Variants in CSMD1 observed in about 807,000 individuals in gnomAD.
The protein encoded by CSMD1 is CUB and sushi domain-containing protein 1.
Under a neutral mutation model 417.5 loss-of-function variants are expected in CSMD1, and 213 were observed. The observed-to-expected ratio is 0.51, with a 90% CI of 0.46 to 0.57. The LOEUF (loss-of-function observed/expected upper bound fraction) is 0.57. CSMD1 is among the 20% of genes least tolerant of loss of function. The probability of loss-of-function intolerance (pLI) is 0.00; values close to 1 mark genes in which losing one functional copy is unlikely to be tolerated. For missense variants in CSMD1, 6,923 were observed against 4,529.7 expected (o/e 1.53, Z -15.17); for synonymous variants, 2,862 against 1,736.8 (o/e 1.65, Z -16.11).
Position 4,178,054 on chromosome 8 carries a change from G to C in CSMD1, c.416-145955C>G, listed in dbSNP as rs371939520. 2.2e-4 allele frequency among the ~76,000 whole-genome samples: 34 copies of C among 152,228 alleles called. No homozygotes were observed. In the South Asian group the frequency reaches 6.8e-3, roughly 31 times the overall value. ...GAAACTATTCCAATAAATAGAAAAA[G>C]AGGGCACCCTCACTAACTCATTTTA... On this transcript the variant is annotated intron_variant, in intron 3 of 69. Coordinates refer to ENST00000635120, the MANE Select transcript of CSMD1 (RefSeq NM_033225.6).
At chr8:4,972,523 T>A (rs1278007780) in intron 1 of CSMD1, among the ~76,000 whole-genome samples, 1 of 152,160 alleles carries the variant, frequency 6.6e-6, no homozygotes, top group African/African-American at 2.4e-5. Context: ...CTGCCATGAT[T>A]GTAAGTTTCC....
At chr8:4,533,543 T>G (rs548591473) in intron 2 of CSMD1, among the ~76,000 whole-genome samples, 6 of 152,314 alleles carry the variant, frequency 3.9e-5, no homozygotes, top group Non-Finnish European at 8.8e-5. Flanking sequence ...AACACAATAT[T>G]CTTGGGAATT....
intron 49 of CSMD1, among the ~76,000 whole-genome samples, chr8:3,080,357 C>G (rs1035540452): frequency 6.6e-6 from 1 of 152,154 alleles, no homozygotes. Flanking sequence ...GGAAATGAAG[C>G]CTGAGGACAG....
In CSMD1 at chr8:4,449,750, C is replaced by G. The variant is rs866214586; in HGVS notation, c.303-29685G>C. Reference sequence around the variant, plus strand: ...ATAGGGTCGGGTGTAGAAAGAGAAACAATGGTGGCAAGCAGTTGGGAGCAG... The same window carrying G: ...ATAGGGTCGGGTGTAGAAAGAGAAAGAATGGTGGCAAGCAGTTGGGAGCAG... On this transcript the variant is annotated intron_variant, in intron 2 of 69. Transcript: ENST00000635120. 1.4e-4 allele frequency among the ~76,000 whole-genome samples: 21 copies of G among 152,050 alleles called. No homozygotes were observed. In the Middle Eastern group the frequency reaches 0.014, roughly 99 times the overall value.
intron 1 of CSMD1, among the ~76,000 whole-genome samples, chr8:4,929,584 G>A (rs1807100560): frequency 1.3e-5 from 2 of 152,130 alleles, no homozygotes; most frequent in African/African-American, 4.8e-5. Flanking sequence ...CTCAAGGTGT[G>A]TTCAGTCCAT....
intron 5 of CSMD1, among the ~76,000 whole-genome samples, chr8:3,990,262 T>C (rs545042470): frequency 1.3e-3 from 195 of 152,342 alleles, no homozygotes; most frequent in Non-Finnish European, 1.3e-3. Context: ...ACTTCTTTTT[T>C]CATTGCCTAC....
At chr8:3,406,322 T>A in intron 14 of CSMD1, 101 bp from the exon 15 acceptor site, 1 of 832,314 alleles carries the variant, frequency 1.2e-6, no homozygotes, top group Non-Finnish European at 1.8e-6. Flanking sequence ...AGCATTCATA[T>A]AATGTATATA....
At chr8:3,188,056 G>T (rs953006597) in intron 35 of CSMD1, 91 bp from the exon 36 acceptor site, 43 of 651,502 alleles carry the variant, frequency 6.6e-5, no homozygotes, top group Non-Finnish European at 1.0e-4. Flanking sequence ...CATGATTAAG[G>T]TGTATATGTA....
chr8:3,344,368 G>A (rs1042687310), intron 22 of CSMD1, among the ~76,000 whole-genome samples: 2 of 152,134 alleles, frequency 1.3e-5, no homozygotes, highest in African/African-American at 2.4e-5. Context: ...CTAGATGATG[G>A]GTTGAAAGGT....
chr8:4,780,524 C>T (rs1025071317), intron 1 of CSMD1, among the ~76,000 whole-genome samples: 2 of 152,020 alleles, frequency 1.3e-5, no homozygotes, highest in Non-Finnish European at 2.9e-5. Flanking sequence ...AACGAACCTG[C>T]CTTGATGTTT....
chr8:4,175,755 A>C (rs940136217), intron 3 of CSMD1, among the ~76,000 whole-genome samples: 1 of 152,194 alleles, frequency 6.6e-6, no homozygotes, highest in Non-Finnish European at 1.5e-5. Context: ...GTGAAATATT[A>C]AGTTAAAAAG....
At chr8:4,772,524 G>C (rs1219529635) in intron 1 of CSMD1, among the ~76,000 whole-genome samples, 2 of 152,132 alleles carry the variant, frequency 1.3e-5, no homozygotes, top group Non-Finnish European at 2.9e-5. Flanking sequence ...TTACAGCATG[G>C]ATATTTTGAG....
intron 10 of CSMD1, among the ~76,000 whole-genome samples, chr8:3,502,480 G>A (rs189838556): frequency 6.6e-6 from 1 of 152,102 alleles, no homozygotes; most frequent in Non-Finnish European, 1.5e-5. Context: ...CCTTCAGCAG[G>A]TGAATGGATA....
intron 3 of CSMD1, among the ~76,000 whole-genome samples, chr8:4,093,647 A>G (rs1302311779): frequency 6.6e-6 from 1 of 152,088 alleles, no homozygotes; most frequent in Non-Finnish European, 1.5e-5. Context: ...TTGAGAGGAG[A>G]AAGTGAATTT....
chr8:4,181,954 C>CTGAG (rs1214294145), intron 3 of CSMD1, among the ~76,000 whole-genome samples: 1 of 23,968 alleles, frequency 4.2e-5, no homozygotes. Flanking sequence ...TTGTCTGTGT[C>CTGAG]TGCGTGTGTG....
chr8:3,677,804 G>A (rs1481992012), intron 7 of CSMD1, among the ~76,000 whole-genome samples: 1 of 152,130 alleles, frequency 6.6e-6, no homozygotes, highest in Non-Finnish European at 1.5e-5. Flanking sequence ...TTTAAAACCA[G>A]TAGATGACAT....
At chr8:3,431,890 T>C (rs1022362919) in intron 12 of CSMD1, among the ~76,000 whole-genome samples, 2 of 152,214 alleles carry the variant, frequency 1.3e-5, no homozygotes. Context: ...TCGGCTGCTC[T>C]TCTGCAGCAC....
At chr8:4,991,444 C>T (rs904419203) in intron 1 of CSMD1, among the ~76,000 whole-genome samples, 2 of 152,236 alleles carry the variant, frequency 1.3e-5, no homozygotes. Flanking sequence ...GTGACCTCAA[C>T]TGCGACCGCC....
At chr8:4,434,071 C>T (rs750977938) in intron 2 of CSMD1, among the ~76,000 whole-genome samples, 17 of 152,140 alleles carry the variant, frequency 1.1e-4, no homozygotes, top group Non-Finnish European at 4.4e-5. Context: ...GACATTGGGA[C>T]TCACGCCTGT....
Sources: allele counts gnomAD v4.1 joint callset (sites outside exome capture counted in the v4.1 genomes callset), GRCh38; gene constraint gnomAD v4.1.1; transcripts MANE v1.5; gene names NCBI Gene and HGNC (gene_info 2026-07-23, HGNC 2026-07-21).